The following PIK3C2G variants were observed in gnomAD, a reference collection of about 807,000 sequenced individuals.
The protein encoded by PIK3C2G is phosphatidylinositol-4-phosphate 3-kinase catalytic subunit type 2 gamma, also known as phosphatidylinositol 3-kinase C2 domain-containing subunit gamma.
A neutral mutation model predicts 181.1 loss-of-function variants in PIK3C2G; 168 were observed. The observed-to-expected ratio is 0.93, with a 90% CI of 0.82 to 1.05. The LOEUF (loss-of-function observed/expected upper bound fraction) is 1.05, where lower values mean the gene tolerates loss of function less well. Among genes scored for constraint, PIK3C2G ranks in the 50% least tolerant of loss-of-function variants. PIK3C2G has a pLI of 0.00. For synonymous variants in PIK3C2G, 573 were observed against 592.2 expected (o/e 0.97, Z 0.47); for missense variants, 1,869 against 1,732.8 (o/e 1.08, Z -1.40).
intron 14 of PIK3C2G, among the ~76,000 whole-genome samples, chr12:18,387,198 T>C (rs1302609217): frequency 3.3e-5 from 5 of 152,234 alleles, no homozygotes; most frequent in Non-Finnish European, 7.3e-5. Flanking sequence ...GTCTATCCTC[T>C]CAATTCCTCA....
intron 29 of PIK3C2G, among the ~76,000 whole-genome samples, chr12:18,580,263 A>T (rs1357189567): frequency 6.6e-6 from 1 of 152,228 alleles, no homozygotes; most frequent in Non-Finnish European, 1.5e-5. Context: ...TGTTGTTTTT[A>T]AAAATTTTAA....
intron 13 of PIK3C2G, among the ~76,000 whole-genome samples, chr12:18,371,974 C>T (rs760837589): frequency 7.2e-5 from 11 of 152,008 alleles, no homozygotes; most frequent in Non-Finnish European, 1.6e-4. Context: ...TGATAAAATT[C>T]AGGACTTTCA....
At chr12:18,323,942 C>A (rs1463006931) in intron 7 of PIK3C2G, among the ~76,000 whole-genome samples, 1 of 152,072 alleles carries the variant, frequency 6.6e-6, no homozygotes, top group African/African-American at 2.4e-5. Context: ...TGCCATTGGC[C>A]GGGCGCGGTG....
At chr12:18,306,477 A>G (rs898179331) in intron 5 of PIK3C2G, among the ~76,000 whole-genome samples, 1 of 152,114 alleles carries the variant, frequency 6.6e-6, no homozygotes, top group Non-Finnish European at 1.5e-5. Context: ...GTTTAGTGAA[A>G]CAACGTATCA....
upstream of PIK3C2G, among the ~76,000 whole-genome samples, chr12:18,246,927 A>G (rs190248043): frequency 2.3e-3 from 347 of 150,590 alleles, no homozygotes; most frequent in Admixed American, 8.2e-3. Flanking sequence ...AGAGGCTATT[A>G]TAACGAGAAT....
intron 1 of PIK3C2G, among the ~76,000 whole-genome samples, chr12:18,269,915 T>C (rs1173512208): frequency 6.8e-6 from 1 of 146,926 alleles, no homozygotes; most frequent in African/African-American, 2.5e-5. Flanking sequence ...TTCTTTTCTT[T>C]TTTTTTTTTT....
chr12:18,438,026 T>C (rs549020718), intron 18 of PIK3C2G, among the ~76,000 whole-genome samples: 6 of 151,880 alleles, frequency 4.0e-5, no homozygotes, highest in South Asian at 2.1e-4. Flanking sequence ...ATAATAAACA[T>C]GGATTAAGCA....
intron 16 of PIK3C2G, among the ~76,000 whole-genome samples, chr12:18,417,391 AAAG>A (rs1410902112): frequency 6.6e-6 from 1 of 152,206 alleles, no homozygotes; most frequent in African/African-American, 2.4e-5. Context: ...TTCAATTTTG[AAAG>A]AAGTTCTACT....
At chr12:18,313,801 T>C (rs1310810462) in intron 5 of PIK3C2G, among the ~76,000 whole-genome samples, 161 bp from the exon 6 acceptor site, 1 of 107,536 alleles carries the variant, frequency 9.3e-6, no homozygotes, top group Non-Finnish European at 1.9e-5. Context: ...AATGCATATA[T>C]ATTCACACAC....
chr12:18,724,772 C>A, the PIK3C2G span, among the ~76,000 whole-genome samples: 1 of 151,970 alleles, frequency 6.6e-6, no homozygotes, highest in Admixed American at 6.6e-5. Context: ...TCTTATTTGT[C>A]ATAAAATCTT....
intron 15 of PIK3C2G, among the ~76,000 whole-genome samples, chr12:18,393,913 A>G (rs1039067981): frequency 3.3e-5 from 5 of 152,136 alleles, no homozygotes; most frequent in African/African-American, 1.2e-4. Flanking sequence ...GGCAGCTGGC[A>G]TCTTCAGAGC....
intron 24 of PIK3C2G, among the ~76,000 whole-genome samples, chr12:18,521,390 C>A (rs547791521): frequency 2.3e-4 from 35 of 152,334 alleles, no homozygotes; most frequent in African/African-American, 8.4e-4. Context: ...TGTGGCTACC[C>A]GTCCTCTTAG....
chr12:18,378,543 G>A (rs966246715), intron 13 of PIK3C2G, among the ~76,000 whole-genome samples: 7 of 152,046 alleles, frequency 4.6e-5, no homozygotes, highest in Admixed American at 1.3e-4. Context: ...AAAGAGCTTC[G>A]GCACAGCAAA....
rs1207523029 is a variant in PIK3C2G at position 18,437,721 on chromosome 12, TAA to T, written c.2504+13684_2504+13685del. On this transcript the variant is annotated intron_variant, in intron 18 of 32. Coordinates refer to ENST00000538779, the MANE Select transcript of PIK3C2G (RefSeq NM_001288772.2). ...TCCAACTAAAATTTATGATTATTTTTAAAGAGGCTGCTGCTCAATAAAATGTT... is the reference window on the plus strand; with the variant it reads ...TCCAACTAAAATTTATGATTATTTTTAGAGGCTGCTGCTCAATAAAATGTT... Among the ~76,000 whole-genome samples, 5 of 152,072 alleles carry T rather than the reference TAA, an allele frequency of 3.3e-5. No individual in the cohort carries two copies. The East Asian group carries it at 9.6e-4, about 29-fold the overall frequency.
chr12:18,538,388 A>G (rs1943973602), intron 25 of PIK3C2G, 76 bp downstream of exon 25: 1 of 1,320,432 alleles, frequency 7.6e-7, no homozygotes, highest in African/African-American at 1.5e-5. Flanking sequence ...ATTTTTACTA[A>G]TGGCTTGGAG....
At chr12:18,387,405 G>A (rs1176464274) in intron 14 of PIK3C2G, among the ~76,000 whole-genome samples, 2 of 152,100 alleles carry the variant, frequency 1.3e-5, no homozygotes, top group East Asian at 1.9e-4. Flanking sequence ...TCTCTTGCCA[G>A]TCCCTGTTTG....
chr12:18,601,526 G>A (rs1420245576), intron 30 of PIK3C2G, among the ~76,000 whole-genome samples: 1 of 152,078 alleles, frequency 6.6e-6, no homozygotes, highest in Non-Finnish European at 1.5e-5. Context: ...ATTACAGCTA[G>A]ATAGGTGGAA....
At chr12:18,662,139 A>G in the PIK3C2G span, among the ~76,000 whole-genome samples, 1 of 152,068 alleles carries the variant, frequency 6.6e-6, no homozygotes, top group Non-Finnish European at 1.5e-5. Context: ...TGGAAAGTGC[A>G]AGGAGGGTGA....
chr12:18,587,752 CAAAA>C (rs1459721569), intron 29 of PIK3C2G, among the ~76,000 whole-genome samples: 44 of 140,124 alleles, frequency 3.1e-4, no homozygotes, highest in African/African-American at 1.3e-3. Context: ...AACAACCAAA[CAAAA>C]CAAAACAAAA....
Sources: gnomAD v4.1 joint callset for allele counts (sites outside exome capture counted in the v4.1 genomes callset) on GRCh38, gnomAD v4.1.1 for gene constraint, MANE v1.5 for transcripts, NCBI Gene and HGNC (gene_info 2026-07-23, HGNC 2026-07-21) for gene names.